Variants in THSD7B observed in about 807,000 individuals in gnomAD.
THSD7B encodes the protein thrombospondin type 1 domain containing 7B, also known as thrombospondin type-1 domain-containing protein 7B.
A neutral mutation model predicts 213.6 loss-of-function variants in THSD7B; 138 were observed. That is an observed-to-expected ratio of 0.65 (90% CI 0.56 to 0.74). The LOEUF (loss-of-function observed/expected upper bound fraction) is 0.74, where lower values mean the gene tolerates loss of function less well. Among genes scored for constraint, THSD7B ranks in the 30% least tolerant of loss-of-function variants. The probability of loss-of-function intolerance (pLI) is 0.00; values close to 1 mark genes in which losing one functional copy is unlikely to be tolerated. For missense variants in THSD7B, 1,931 were observed against 1,991.5 expected (o/e 0.97, Z 0.58); for synonymous variants, 742 against 687.0 (o/e 1.08, Z -1.25).
At chr2:137,532,052 T>C (rs949354328) in intron 15 of THSD7B, among the ~76,000 whole-genome samples, 5 of 151,932 alleles carry the variant, frequency 3.3e-5, no homozygotes, top group African/African-American at 1.2e-4. Flanking sequence ...TAACTGTTTT[T>C]AGAGTTGAAT....
intron 5 of THSD7B, among the ~76,000 whole-genome samples, chr2:137,153,146 C>T (rs1196201237): frequency 6.6e-6 from 1 of 152,032 alleles, no homozygotes; most frequent in South Asian, 2.1e-4. Flanking sequence ...TATTTTTTTC[C>T]TTAATTATGT....
rs1160314225 is a variant in THSD7B, at chr2:137,488,005, C to T, written c.3138+36982C>T. ...GTCTCGATCTCCTGACCTCGTGATC[C>T]GCCCGCCTCGGCCTCCCAAAGTGCT... On this transcript the variant is annotated intron_variant, in intron 15 of 27. Transcript: ENST00000409968. Among the ~76,000 whole-genome samples the T allele has an allele frequency of 1.6e-4, 2 of 12,734 alleles. 1 individual carries two copies. Among genetic ancestry groups the T allele is most frequent in the Non-Finnish European group, 6.7e-4 (2 of 2,968 alleles). The allele number at this position is 12,734 out of a possible 152,430, so 8.4% of individuals were successfully genotyped here.
At chr2:137,484,289 C>A (rs916630239) in intron 15 of THSD7B, among the ~76,000 whole-genome samples, 3 of 148,998 alleles carry the variant, frequency 2.0e-5, no homozygotes, top group Admixed American at 6.7e-5. Context: ...TTTGTTCTTG[C>A]GATAGTTTAC....
intron 1 of THSD7B, among the ~76,000 whole-genome samples, chr2:136,781,012 T>G (rs1478163348): frequency 6.6e-6 from 1 of 151,372 alleles, no homozygotes; most frequent in Non-Finnish European, 1.5e-5. Flanking sequence ...GTAAAATGCT[T>G]CATGCAATGT....
chr2:137,671,543 G>A (rs1467592865), intron 27 of THSD7B, among the ~76,000 whole-genome samples: 2 of 152,084 alleles, frequency 1.3e-5, no homozygotes, highest in African/African-American at 2.4e-5. Context: ...GGAGAAACAG[G>A]CACCTTCTTC....
At chr2:137,169,792 A>G (rs1479937944) in intron 6 of THSD7B, among the ~76,000 whole-genome samples, 1 of 152,194 alleles carries the variant, frequency 6.6e-6, no homozygotes, top group Non-Finnish European at 1.5e-5. Context: ...AAAGGGTTCA[A>G]TCTGGTTCTC....
chr2:137,259,661 T>G lies in THSD7B; in HGVS notation c.2267-12872T>G, dbSNP rs867082101. Among the ~76,000 whole-genome samples, 2 of 151,890 alleles carry G rather than the reference T, an allele frequency of 1.3e-5. 1 individual carries two copies. The highest frequency in any genetic ancestry group is 6.9e-3 in the Middle Eastern group (2 of 290). The stretch of plus-strand genomic sequence containing the variant: ...TGTTCAATCTGATGCTAGTTTCTTT[T>G]GCTGCTTGCACAGTATTTTTTGCAC... On this transcript the variant is annotated intron_variant, in intron 10 of 27. Coordinates refer to ENST00000409968, the MANE Select transcript of THSD7B (RefSeq NM_001316349.2).
At position 137,620,727 on chromosome 2, in the gene THSD7B, G is replaced by C. The variant is rs1441793336; in HGVS notation, c.3799+1G>C. 6.2e-7 allele frequency: 1 copy of C among 1,610,642 alleles called. No homozygotes were observed. The highest frequency in any genetic ancestry group is 1.1e-5 in the South Asian group (1 of 90,840). ...TGTTCACAGACCTGTGGCCATGGAG[G>C]TATTGGTTTCCCCATATTTCCCACT... On this transcript the variant is annotated splice_donor_variant, in intron 20 of 27. Transcript: ENST00000409968. LOFTEE classifies it high-confidence loss of function.
intron 14 of THSD7B, among the ~76,000 whole-genome samples, chr2:137,417,067 G>T (rs1440324636): frequency 1.3e-5 from 2 of 152,116 alleles, no homozygotes; most frequent in East Asian, 1.9e-4. Context: ...TTTAGCATTT[G>T]CAATTTAACA....
chr2:137,021,461 TAAA>T (rs1686444625), intron 2 of THSD7B, among the ~76,000 whole-genome samples: 2 of 152,226 alleles, frequency 1.3e-5, no homozygotes, highest in African/African-American at 4.8e-5. Flanking sequence ...AATTTACACT[TAAA>T]AACTGATATT....
intron 2 of THSD7B, among the ~76,000 whole-genome samples, chr2:136,891,924 C>T (rs1683867901): frequency 6.6e-6 from 1 of 152,146 alleles, no homozygotes; most frequent in Admixed American, 6.6e-5. Context: ...CCATTGTAAT[C>T]AGCTGGTTCA....
chr2:137,587,747 C>A (rs1441918498), intron 17 of THSD7B, among the ~76,000 whole-genome samples: 4 of 152,242 alleles, frequency 2.6e-5, no homozygotes, highest in Admixed American at 2.0e-4. Flanking sequence ...TCTGCCCCTA[C>A]TGGGCAGTTC....
intron 7 of THSD7B, among the ~76,000 whole-genome samples, chr2:137,196,933 G>C (rs748715620): frequency 3.0e-4 from 45 of 152,144 alleles, no homozygotes; most frequent in Non-Finnish European, 2.1e-4. Flanking sequence ...CTAATGCACA[G>C]CGGGCTCCTC....
At chr2:136,853,291 C>T (rs1683129172) in intron 1 of THSD7B, among the ~76,000 whole-genome samples, 1 of 152,100 alleles carries the variant, frequency 6.6e-6, no homozygotes, top group African/African-American at 2.4e-5. Context: ...ATTTAGTCGT[C>T]AGGTCTCAGT....
At chr2:137,021,962 G>A (rs1558890158) in intron 2 of THSD7B, among the ~76,000 whole-genome samples, 1 of 152,128 alleles carries the variant, frequency 6.6e-6, no homozygotes, top group Non-Finnish European at 1.5e-5. Context: ...TTTAGTGCAT[G>A]AGTCATTTGA....
At chr2:137,503,317 A>G (rs975188267) in intron 15 of THSD7B, among the ~76,000 whole-genome samples, 13 of 152,312 alleles carry the variant, frequency 8.5e-5, no homozygotes, top group African/African-American at 3.1e-4. Context: ...CAGTATAAAA[A>G]ACATTCCTCA....
intron 5 of THSD7B, among the ~76,000 whole-genome samples, chr2:137,146,105 A>G (rs1278001915): frequency 6.6e-6 from 1 of 152,156 alleles, no homozygotes; most frequent in Non-Finnish European, 1.5e-5. Context: ...AAAGAAAAAA[A>G]TTCATAAAAT....
chr2:137,122,245 T>C (rs1278568279), intron 5 of THSD7B, among the ~76,000 whole-genome samples: 1 of 152,158 alleles, frequency 6.6e-6, no homozygotes, highest in Non-Finnish European at 1.5e-5. Context: ...TTTGACCTCT[T>C]TAATGGTATA....
intron 9 of THSD7B, among the ~76,000 whole-genome samples, chr2:137,239,869 T>C (rs967538801): frequency 6.6e-6 from 1 of 152,204 alleles, no homozygotes; most frequent in Non-Finnish European, 1.5e-5. Flanking sequence ...CAGGGTGACC[T>C]CATGGTTGAA....
Sources: gnomAD v4.1 joint callset for allele counts (sites outside exome capture counted in the v4.1 genomes callset) on GRCh38, gnomAD v4.1.1 for gene constraint, MANE v1.5 for transcripts, NCBI Gene and HGNC (gene_info 2026-07-23, HGNC 2026-07-21) for gene names.